The following ADAP1 variants were observed in gnomAD, a reference collection of about 807,000 sequenced individuals.
ADAP1 encodes ArfGAP with dual PH domains 1.
In ADAP1, 31 loss-of-function variants were observed where a neutral mutation model predicts 54.9. The observed-to-expected ratio is 0.56, with a 90% CI of 0.42 to 0.76. The LOEUF (loss-of-function observed/expected upper bound fraction) is 0.76. Ranked by LOEUF, ADAP1 falls within the 30% of genes least tolerant of loss-of-function variation. The probability of loss-of-function intolerance (pLI) is 0.00; values close to 1 mark genes in which losing one functional copy is unlikely to be tolerated. For synonymous variants in ADAP1, 313 were observed against 202.6 expected, an observed-to-expected ratio of 1.55 and a Z score of -4.63; for missense variants, 535 against 512.4, an observed-to-expected ratio of 1.04 and a Z score of -0.42.
intron 4 of ADAP1, among the ~76,000 whole-genome samples, chr7:909,040 G>A (rs1047190826): frequency 7.9e-5 from 12 of 152,142 alleles, no homozygotes; most frequent in African/African-American, 2.7e-4. Flanking sequence ...CGCGCAGGCC[G>A]CGGGGTCTGG....
At chr7:899,969 A>G in intron 8 of ADAP1, 133 bp downstream of exon 8, 5 of 1,108,546 alleles carry the variant, frequency 4.5e-6, no homozygotes, top group Non-Finnish European at 6.7e-6. Context: ...CCAGGCACAG[A>G]CAAGGGGCTG....
chr7:948,842 G>A (rs939673423), intron 1 of ADAP1, among the ~76,000 whole-genome samples: 1 of 152,116 alleles, frequency 6.6e-6, no homozygotes, highest in Non-Finnish European at 1.5e-5. Context: ...GATTTCAGGC[G>A]TGCGCCACCA....
At chr7:909,208 C>A (rs1396580312) in intron 4 of ADAP1, among the ~76,000 whole-genome samples, 1 of 69,204 alleles carries the variant, frequency 1.4e-5, no homozygotes, top group Non-Finnish European at 3.0e-5. Flanking sequence ...CGACAGCAGG[C>A]GCCAGCGGGA....
intron 4 of ADAP1, among the ~76,000 whole-genome samples, chr7:915,600 G>T (rs1441396070): frequency 6.6e-6 from 1 of 152,220 alleles, no homozygotes; most frequent in East Asian, 1.9e-4. Flanking sequence ...CTGCCCGAGG[G>T]TCACACGGGA....
At chr7:900,661 C>CTGAGGAGGCTGCAGG in intron 6 of ADAP1, 45 bp from the exon 7 acceptor site, 1 of 1,443,280 alleles carries the variant, frequency 6.9e-7, no homozygotes, top group Non-Finnish European at 9.5e-7. Context: ...GAGGCTGCAG[C>CTGAGGAGGCTGCAGG]GCTGGGGTCC....
rs1844961675 is a variant in ADAP1, at chr7:904,073, C to G, written c.648+53G>C. The G allele has an allele frequency of 4.4e-6, 7 of 1,601,500 alleles. No homozygotes were observed. The Admixed American group carries it at 8.4e-5, about 19-fold the overall frequency. ...ACCCACCTTCCTGCGCCACCCGGGCCTGAGGGCCCACCCTCCTGTGCCACC... is the reference window on the plus strand; with the variant it reads ...ACCCACCTTCCTGCGCCACCCGGGCGTGAGGGCCCACCCTCCTGTGCCACC... On this transcript the variant is annotated intron_variant, in intron 6 of 10. Transcript: ENST00000265846.
At chr7:902,995 G>T (rs1277807947) in intron 6 of ADAP1, among the ~76,000 whole-genome samples, 1 of 152,180 alleles carries the variant, frequency 6.6e-6, no homozygotes, top group Non-Finnish European at 1.5e-5. Flanking sequence ...CTTCTACCAA[G>T]AGGAATAAGT....
chr7:940,779 C>T (rs1369732619), intron 1 of ADAP1, among the ~76,000 whole-genome samples: 1 of 152,158 alleles, frequency 6.6e-6, no homozygotes, highest in Non-Finnish European at 1.5e-5. Context: ...ACACCATGAT[C>T]AACAGGGGTT....
chr7:933,521 GGCCGGGGGCCGGGGTC>G lies in ADAP1; in HGVS notation c.213+1838_213+1853del, dbSNP rs1562932286. Among the ~76,000 whole-genome samples the G allele has an allele frequency of 4.9e-3, 474 of 97,442 alleles. 17 individuals are homozygous for G. Among genetic ancestry groups the G allele is most frequent in the African/African-American group, 0.016 (364 of 22,892 alleles). 63.9% of individuals were successfully genotyped at this position (97,442 alleles called of 152,430 possible). A position where few individuals can be genotyped will look rare whatever the true frequency, so the allele number is the denominator to read the frequency against. On this transcript the variant is annotated intron_variant, in intron 2 of 10. Transcript: ENST00000265846. Reference sequence around the variant, plus strand: ...GGGTCAGTGGTGCTGGAGAGCCGGGGGCCGGGGGCCGGGGTCAGTGGTGCTGGAGAGCCGGGGGCCG... The same window carrying G: ...GGGTCAGTGGTGCTGGAGAGCCGGGGAGTGGTGCTGGAGAGCCGGGGGCCG...
In ADAP1 at chr7:900,111, C is replaced by CG; in HGVS notation, c.785dup (p.Pro264AlafsTer16). ...CGTGCGGCACACCCACCTTGGGCCCCGTCTTCTCCATGTAGCCTTCCTTCA... is the reference window on the plus strand; with the variant it reads ...CGTGCGGCACACCCACCTTGGGCCCCGGTCTTCTCCATGTAGCCTTCCTTCA... On this transcript the variant is annotated frameshift_variant, in exon 8 of 11. Transcript: ENST00000265846. LOFTEE classifies it high-confidence loss of function. 1 of 1,613,222 alleles carries CG rather than the reference C, an allele frequency of 6.2e-7. No homozygotes were observed. The highest frequency in any genetic ancestry group is 8.5e-7 in the Non-Finnish European group (1 of 1,179,922).
At position 938,472 on chromosome 7, in the gene ADAP1, G is replaced by A. The variant is rs150808492; in HGVS notation, c.83-2967C>T. 4.6e-5 allele frequency among the ~76,000 whole-genome samples: 7 copies of A among 152,292 alleles called. No individual in the cohort carries two copies. The highest frequency in any genetic ancestry group is 5.9e-5 in the Non-Finnish European group (4 of 68,034). ...GTTGGGATTACAGATGTGTGACGCC[G>A]TGTCTGGCCTGCAAAGTATTTAGTT... On this transcript the variant is annotated intron_variant, in intron 1 of 10. Transcript: ENST00000265846. This position sits in a 1 kb window ranked among gnomAD's most constrained non-coding sequence, Gnocchi z 4.4.
intron 2 of ADAP1, chr7:935,022 A>G (rs1846704294): frequency 3.3e-5 from 13 of 399,284 alleles, no homozygotes; most frequent in South Asian, 2.4e-4. Flanking sequence ...CTGTTTCCTT[A>G]GAGACAGGGT....
chr7:921,516 A>C (rs1175100818), intron 3 of ADAP1, among the ~76,000 whole-genome samples: 1 of 151,880 alleles, frequency 6.6e-6, no homozygotes, highest in Non-Finnish European at 1.5e-5. Flanking sequence ...GTGGGAGCTC[A>C]CTCTGTTGCC....
In ADAP1 at chr7:935,574, T is replaced by C. The variant is rs953989687; in HGVS notation, c.83-69A>G. ...CCCCGGAGGGAGGGTGGACGGAGCC[T>C]CGAGTCAGGAGCCCCCGGCCATGCA... On this transcript the variant is annotated intron_variant, in intron 1 of 10. Coordinates refer to ENST00000265846, the MANE Select transcript of ADAP1 (RefSeq NM_006869.4). 2.0e-6 allele frequency: 3 copies of C among 1,532,960 alleles called. No homozygotes were observed. In the African/African-American group the frequency reaches 4.1e-5, roughly 21 times the overall value. The allele number at this position is 1,532,960 out of a possible 1,614,324, so 95.0% of individuals were successfully genotyped here. A position where few individuals can be genotyped will look rare whatever the true frequency, so the allele number is the denominator to read the frequency against.
Position 905,183 on chromosome 7 carries a change from A to C in ADAP1, c.389-11T>G. On this transcript the variant is annotated splice_polypyrimidine_tract_variant and intron_variant, in intron 4 of 10. Coordinates refer to ENST00000265846, the MANE Select transcript of ADAP1 (RefSeq NM_006869.4). ...AACCCTCACGGTACCCTGTGGGGGA[A>C]AGGGGACACGAGTCGGTGACAGTGG... 6.2e-7 allele frequency: 1 copy of C among 1,604,080 alleles called. No homozygotes were observed. Among genetic ancestry groups the C allele is most frequent in the Non-Finnish European group, 8.5e-7 (1 of 1,174,494 alleles).
chr7:935,535 G>A, intron 1 of ADAP1, 30 bp from the exon 2 acceptor site: 1 of 1,554,740 alleles, frequency 6.4e-7, no homozygotes, highest in Non-Finnish European at 8.7e-7. Context: ...GTTCACGGAG[G>A]CTCAGCCCAG....
In ADAP1 at chr7:926,970, G is replaced by A. The variant is rs58933161; in HGVS notation, c.214-326C>T. On this transcript the variant is annotated intron_variant, in intron 2 of 10. Coordinates refer to ENST00000265846, the MANE Select transcript of ADAP1 (RefSeq NM_006869.4). The surrounding 1 kb of genome is among the most constrained non-coding windows in gnomAD (Gnocchi z 4.6). Reference sequence around the variant, plus strand: ...CAAGTCCACCCACACCGGGTGTCCCGTGGGAGAGAGCTGGCTGCATCCTGT... The same window carrying A: ...CAAGTCCACCCACACCGGGTGTCCCATGGGAGAGAGCTGGCTGCATCCTGT... The A allele has an allele frequency of 2.5e-3, 3,109 of 1,261,458 alleles. 61 individuals are homozygous for A. The African/African-American group carries it at 0.039, about 16-fold the overall frequency. 78.1% of individuals were successfully genotyped at this position (1,261,458 alleles called of 1,614,324 possible).
At chr7:932,561 T>C (rs1846617875) in intron 2 of ADAP1, among the ~76,000 whole-genome samples, 1 of 152,122 alleles carries the variant, frequency 6.6e-6, no homozygotes, top group South Asian at 2.1e-4. Flanking sequence ...CTTTCTGACA[T>C]TGGTCCCCTG....
At chr7:939,255 T>A (rs1334192014) in intron 1 of ADAP1, among the ~76,000 whole-genome samples, 1 of 152,090 alleles carries the variant, frequency 6.6e-6, no homozygotes, top group East Asian at 1.9e-4. Flanking sequence ...GTTTCGCTCT[T>A]GTTGTCCAGG....
Sources: allele counts gnomAD v4.1 joint callset (sites outside exome capture counted in the v4.1 genomes callset), GRCh38; gene constraint gnomAD v4.1.1; non-coding constraint Gnocchi (gnomAD v3.1); transcripts MANE v1.5; gene names NCBI Gene and HGNC (gene_info 2026-07-23, HGNC 2026-07-21).